MACROD2: variants seen among roughly 807,000 people sequenced by gnomAD.
The protein encoded by MACROD2 is ADP-ribose glycohydrolase MACROD2.
In MACROD2, 36 loss-of-function variants were observed where a neutral mutation model predicts 70.4. The ratio of observed to expected loss-of-function variants is 0.51; its 90% CI spans 0.39 to 0.68. MACROD2 has a LOEUF of 0.68. MACROD2 is among the 30% of genes least tolerant of loss of function. MACROD2 has a pLI of 0.00. For synonymous variants in MACROD2, 172 were observed against 178.8 expected (o/e 0.96, Z 0.30); for missense variants, 496 against 538.4 (o/e 0.92, Z 0.78).
At position 15,267,961 on chromosome 20, in the gene MACROD2, C is replaced by G. The variant is rs543775295; in HGVS notation, c.540+37900C>G. ...CCCAATAAATTCTGTTTTTCTCACCCTTCTGTGTGTCCACGAACCTAATCT... is the reference window on the plus strand; with the variant it reads ...CCCAATAAATTCTGTTTTTCTCACCGTTCTGTGTGTCCACGAACCTAATCT... On this transcript the variant is annotated intron_variant, in intron 6 of 17. Coordinates refer to ENST00000684519, the MANE Select transcript of MACROD2 (RefSeq NM_001351661.2). Among the ~76,000 whole-genome samples the G allele has an allele frequency of 3.3e-5, 5 of 152,306 alleles. No homozygotes were observed. In the South Asian group the frequency reaches 1.0e-3, roughly 32 times the overall value.
chr20:15,821,398 T>A (rs546675949), intron 8 of MACROD2, among the ~76,000 whole-genome samples: 2 of 152,108 alleles, frequency 1.3e-5, no homozygotes, highest in South Asian at 2.1e-4. Flanking sequence ...TTAGATATTT[T>A]AAAATTTAGT....
intron 3 of MACROD2, chr20:14,327,522 G>A (rs544515202): frequency 2.5e-6 from 4 of 1,597,160 alleles, no homozygotes; most frequent in Non-Finnish European, 3.4e-6. Context: ...GCAGTGTTGA[G>A]GTCTTTATAC....
intron 4 of MACROD2, among the ~76,000 whole-genome samples, chr20:14,499,557 T>G (rs528767356): frequency 1.5e-4 from 23 of 151,930 alleles, no homozygotes; most frequent in African/African-American, 5.3e-4. Context: ...CTGACTGCCT[T>G]AGGTGGGATT....
chr20:15,830,559 G>A (rs1052457464), intron 8 of MACROD2, among the ~76,000 whole-genome samples: 8 of 152,184 alleles, frequency 5.3e-5, no homozygotes, highest in Admixed American at 1.3e-4. Context: ...AATGAGGAGC[G>A]GAAGTACCCA....
intron 9 of MACROD2, 84 bp from the exon 10 acceptor site, chr20:15,885,680 T>C: frequency 8.1e-7 from 1 of 1,239,824 alleles, no homozygotes; most frequent in Non-Finnish European, 1.1e-6. Flanking sequence ...CTTTCTTTGA[T>C]TTTTTTTAAT....
rs57125352 is a variant in MACROD2 at position 14,467,200 on chromosome 20, G to A, written c.272-26279G>A. 2.0e-4 allele frequency among the ~76,000 whole-genome samples: 31 copies of A among 152,248 alleles called. No homozygotes were observed. The East Asian group carries it at 6.0e-3, about 29-fold the overall frequency. On this transcript the variant is annotated intron_variant, in intron 3 of 17. Transcript: ENST00000684519. ...GGCTCCACCCAGTTCGAGCTTCCTG[G>A]CTGCTTTGTTTACCTACTCAAGCCT... is the stretch of plus-strand genomic sequence containing the variant.
At chr20:15,535,466 G>A in intron 8 of MACROD2, among the ~76,000 whole-genome samples, 1 of 152,206 alleles carries the variant, frequency 6.6e-6, no homozygotes, top group East Asian at 1.9e-4. Context: ...GACAAGGTCA[G>A]CAACTTCGGT....
At chr20:14,312,065 T>C (rs760229127) in intron 3 of MACROD2, among the ~76,000 whole-genome samples, 8 of 152,180 alleles carry the variant, frequency 5.3e-5, no homozygotes, top group Non-Finnish European at 1.2e-4. Flanking sequence ...TATAATACAA[T>C]AATTCTCTTA....
chr20:14,489,697 C>G (rs1330596630), intron 3 of MACROD2, among the ~76,000 whole-genome samples: 2 of 152,106 alleles, frequency 1.3e-5, no homozygotes. Flanking sequence ...AAACAAAACT[C>G]TGTACGAATA....
In MACROD2 at chr20:15,603,762, TGA is replaced by T. The variant is rs1237464696; in HGVS notation, c.645+103921_645+103922del. Among the ~76,000 whole-genome samples, 3 of 152,248 alleles carry T rather than the reference TGA, an allele frequency of 2.0e-5. No individual in the cohort carries two copies. In the East Asian group the frequency reaches 5.8e-4, roughly 29 times the overall value. On this transcript the variant is annotated intron_variant, in intron 8 of 17. Coordinates refer to ENST00000684519, the MANE Select transcript of MACROD2 (RefSeq NM_001351661.2). ...AGAGAATTTCACCAAGCCTGTCAAC[TGA>T]GAGAGTCACTGAAGCCAGCAAAGAT...
intron 5 of MACROD2, among the ~76,000 whole-genome samples, chr20:14,976,704 A>C (rs2074742679): frequency 6.6e-6 from 1 of 152,172 alleles, no homozygotes. Context: ...GGTGAAGGAC[A>C]TGACCTCTGT....
At chr20:14,931,065 G>A (rs559366992) in intron 5 of MACROD2, among the ~76,000 whole-genome samples, 2 of 152,064 alleles carry the variant, frequency 1.3e-5, no homozygotes, top group East Asian at 1.9e-4. Flanking sequence ...GGCACTGAAG[G>A]CACAGAATTG....
At chr20:14,477,188 G>T (rs10485773) in intron 3 of MACROD2, among the ~76,000 whole-genome samples, 12,284 of 152,112 alleles carry the variant, frequency 0.081, 920 homozygotes, top group South Asian at 0.28. Context: ...AAGCGAAGAG[G>T]GTACTATCAT....
At chr20:14,276,898 C>A (rs1020069546) in intron 3 of MACROD2, among the ~76,000 whole-genome samples, 1 of 152,156 alleles carries the variant, frequency 6.6e-6, no homozygotes, top group African/African-American at 2.4e-5. Context: ...TTTATGTCTT[C>A]TTCTTCATCA....
chr20:14,755,691 G>A (rs1279689651), intron 5 of MACROD2, among the ~76,000 whole-genome samples: 1 of 151,930 alleles, frequency 6.6e-6, no homozygotes, highest in Non-Finnish European at 1.5e-5. Context: ...TTGATGGTGA[G>A]AACTGAAGTG....
At chr20:15,831,484 A>G (rs2064055264) in intron 8 of MACROD2, among the ~76,000 whole-genome samples, 1 of 152,184 alleles carries the variant, frequency 6.6e-6, no homozygotes, top group Non-Finnish European at 1.5e-5. Context: ...ATAAAAAAAG[A>G]TGTATGCAGA....
chr20:14,539,445 T>C (rs974273697), intron 4 of MACROD2, among the ~76,000 whole-genome samples: 2 of 151,980 alleles, frequency 1.3e-5, no homozygotes, highest in African/African-American at 4.8e-5. Flanking sequence ...GGGAGAGTGT[T>C]GGGGGAGTGA....
intron 5 of MACROD2, among the ~76,000 whole-genome samples, chr20:15,204,525 A>G (rs1392101111): frequency 6.6e-6 from 1 of 152,134 alleles, no homozygotes; most frequent in East Asian, 1.9e-4. Context: ...GGCCTATTAT[A>G]ATTTTCAGCC....
Position 13,995,617 on chromosome 20 carries a change from G to A in MACROD2, c.-147G>A, listed in dbSNP as rs1466737156. 5 of 773,586 alleles carry A rather than the reference G, an allele frequency of 6.5e-6. No homozygotes were observed. Among genetic ancestry groups the A allele is most frequent in the South Asian group, 3.0e-5 (2 of 66,624 alleles). The allele number at this position is 773,586 out of a possible 1,614,324, so 47.9% of individuals were successfully genotyped here. On this transcript the variant is annotated 5_prime_UTR_variant, in exon 1 of 18. Transcript: ENST00000684519. This position sits in a 1 kb window ranked among gnomAD's most constrained non-coding sequence, Gnocchi z 4.3. ...GGGAGGAGGGCGGCGACTGGAGAGCGGCGAGCGGCGAGCAGCGCAGGACGC... is the reference window on the plus strand; with the variant it reads ...GGGAGGAGGGCGGCGACTGGAGAGCAGCGAGCGGCGAGCAGCGCAGGACGC...
Sources: allele counts gnomAD v4.1 joint callset (sites outside exome capture counted in the v4.1 genomes callset), GRCh38; gene constraint gnomAD v4.1.1; non-coding constraint Gnocchi (gnomAD v3.1); transcripts MANE v1.5; gene names NCBI Gene and HGNC (gene_info 2026-07-23, HGNC 2026-07-21).